Variants in P2RX2 observed in about 807,000 individuals in gnomAD.
P2RX2 encodes the protein purinergic receptor P2X 2.
A neutral mutation model predicts 54.8 loss-of-function variants in P2RX2; 50 were observed. That is an observed-to-expected ratio of 0.91 (90% CI 0.73 to 1.15). The LOEUF is 1.15. Ranked by LOEUF, P2RX2 falls within the 50% of genes most tolerant of loss-of-function variation. The pLI, the probability that P2RX2 is intolerant of heterozygous loss-of-function variation, is 0.00. For missense variants in P2RX2, 658 were observed against 633.2 expected (o/e 1.04, Z -0.42); for synonymous variants, 289 against 259.4 (o/e 1.11, Z -1.09).
chr12:132,620,098 T>G lies in P2RX2; in HGVS notation c.554+2T>G. The G allele has an allele frequency of 6.4e-7, 1 of 1,569,714 alleles. No homozygotes were observed. Among genetic ancestry groups the G allele is most frequent in the Non-Finnish European group, 8.6e-7 (1 of 1,157,934 alleles). On this transcript the variant is annotated splice_donor_variant, in intron 5 of 10. Coordinates refer to ENST00000643471, the MANE Select transcript of P2RX2 (RefSeq NM_170682.4). LOFTEE classifies it high-confidence loss of function. Reference sequence around the variant, plus strand: ...GGTGGAAGATGGGGCCTCTGTCAGGTGCACCTGCGCCCCGGCCTGGGGCCC... The same window carrying G: ...GGTGGAAGATGGGGCCTCTGTCAGGGGCACCTGCGCCCCGGCCTGGGGCCC...
Position 132,622,136 on chromosome 12 carries a change from G to A in P2RX2, c.*164G>A, listed in dbSNP as rs1177389242. ...GGGCTGGGGGCACGCTCTGGCCCCA[G>A]GCTTGTGCCCCACCCTGGCATACAG... On this transcript the variant is annotated 3_prime_UTR_variant, in exon 11 of 11. Coordinates refer to ENST00000643471, the MANE Select transcript of P2RX2 (RefSeq NM_170682.4). 3 of 1,458,276 alleles carry A rather than the reference G, an allele frequency of 2.1e-6. No individual in the cohort carries two copies. The highest frequency in any genetic ancestry group is 2.5e-4 in the Middle Eastern group (1 of 4,024). The allele number at this position is 1,458,276 out of a possible 1,614,324, so 90.3% of individuals were successfully genotyped here. A position where few individuals can be genotyped will look rare whatever the true frequency, so the allele number is the denominator to read the frequency against.
chr12:132,620,381 T>G (rs2041605584), intron 6 of P2RX2, 34 bp downstream of exon 6: 2 of 1,613,720 alleles, frequency 1.2e-6, no homozygotes, highest in Admixed American at 3.3e-5. Flanking sequence ...CGGCCCAGCC[T>G]GAGGGCTGCC....
At chr12:132,620,892 GCC>G in intron 7 of P2RX2, 107 bp from the exon 8 acceptor site, 14 of 476,394 alleles carry the variant, frequency 2.9e-5, no homozygotes, top group Non-Finnish European at 2.9e-5. Flanking sequence ...CTCTCGAGGG[GCC>G]TCTCGTGTGC....
Position 132,622,016 on chromosome 12 carries a change from C to T in P2RX2, c.*44C>T, listed in dbSNP as rs1013172548. The T allele has an allele frequency of 1.1e-5, 17 of 1,610,280 alleles. No homozygotes were observed. Among genetic ancestry groups the T allele is most frequent in the Non-Finnish European group, 1.4e-5 (16 of 1,178,754 alleles). On this transcript the variant is annotated 3_prime_UTR_variant, in exon 11 of 11. Coordinates refer to ENST00000643471, the MANE Select transcript of P2RX2 (RefSeq NM_170682.4). ...GGACTGCAGACCCGGCCTGGTGGGG[C>T]CAGAGAGTCCCCAGCTAGGGACCTG...
intron 9 of P2RX2, 51 bp downstream of exon 9, chr12:132,621,396 A>G: frequency 6.2e-7 from 1 of 1,610,714 alleles, no homozygotes; most frequent in Non-Finnish European, 8.5e-7. Context: ...CCTGGGTCTG[A>G]GCTCCTCACG....
Position 132,619,467 on chromosome 12 carries a change from C to G in P2RX2, c.202C>G (p.Gln68Glu), listed in dbSNP as rs759136054. The change falls in exon 2 of 11, where the codon CAG becomes GAG. Residue 68 changes from glutamine to glutamate, a missense_variant. Transcript: ENST00000643471. Reference protein sequence around the residue: ...WYVFIVQKSYQESETGPESSI... With the variant: ...WYVFIVQKSYEESETGPESSI... ...CGTATTCATCGTGCAGAAAAGCTAC[C>G]AGGAGAGCGAGACGGGCCCCGAGAG... The G allele has an allele frequency of 1.9e-6, 3 of 1,612,544 alleles. No homozygotes were observed. In the South Asian group the frequency reaches 3.3e-5, roughly 18 times the overall value.
In P2RX2 at chr12:132,621,884, C is replaced by T. The variant is rs2041710270; in HGVS notation, c.1328C>T (p.Ala443Val). 1.9e-6 allele frequency: 3 copies of T among 1,608,492 alleles called. No homozygotes were observed. The highest frequency in any genetic ancestry group is 2.2e-5 in the South Asian group (2 of 91,072). The change falls in exon 11 of 11, where the codon GCC (alanine) becomes GTC (valine). Residue 443 changes from alanine (A) to valine (V), a missense_variant. Transcript: ENST00000643471. The stretch of plus-strand genomic sequence containing the variant: ...CCCCTGCGGCCTTGCCCCATCTCTG[C>T]CCCTTCTGAGCAGATGGTGGACACT... ...FPPLRPCPIS[A>V]PSEQMVDTPA...
intron 1 of P2RX2, among the ~76,000 whole-genome samples, chr12:132,619,224 C>T (rs1465086098): frequency 2.5e-5 from 1 of 40,662 alleles, no homozygotes; most frequent in African/African-American, 1.2e-4. Context: ...GGGCTGGAGG[C>T]GCGGGGCTGG....
At position 132,621,670 on chromosome 12, in the gene P2RX2, G is replaced by T. The variant is rs1213601122; in HGVS notation, c.1114G>T (p.Val372Phe). Residue 372 changes from valine to phenylalanine, a missense_variant, in exon 11 of 11, where the codon GTC (valine) becomes TTC (phenylalanine). Physicochemically the swap from Val to Phe is conservative, Grantham distance 50. Transcript: ENST00000643471. ...ILLTFMNKNK[V>F]YSHKKFDKVC... The stretch of plus-strand genomic sequence containing the variant: ...GCTAACATTCATGAACAAAAACAAG[G>T]TCTACAGCCATAAGAAATTTGACAA... 2.5e-6 allele frequency: 4 copies of T among 1,613,734 alleles called. No homozygotes were observed. Among genetic ancestry groups the T allele is most frequent in the South Asian group, 1.1e-5 (1 of 90,994 alleles).
rs2041496667 is a variant in P2RX2, at chr12:132,618,994, G to A, written c.173+5G>A. 4.8e-5 allele frequency: 10 copies of A among 207,988 alleles called. No homozygotes were observed. Among genetic ancestry groups the A allele is most frequent in the Non-Finnish European group, 5.1e-5 (9 of 176,746 alleles). The allele number at this position is 207,988 out of a possible 1,614,324, so 12.9% of individuals were successfully genotyped here. A position where few individuals can be genotyped will look rare whatever the true frequency, so the allele number is the denominator to read the frequency against. ...CATCCTGCTCTACTTCGTGTGGTGC[G>A]CGGGGCGCGGGGTGCGGGGCGCGGG... On this transcript the variant is annotated splice_donor_5th_base_variant and intron_variant, in intron 1 of 10. Coordinates refer to ENST00000643471, the MANE Select transcript of P2RX2 (RefSeq NM_170682.4).
rs748118549 is a variant in P2RX2, at chr12:132,620,431, T to C, written c.636-14T>C. 2 of 1,614,084 alleles carry C rather than the reference T, an allele frequency of 1.2e-6. No homozygotes were observed. The highest frequency in any genetic ancestry group is 1.7e-6 in the Non-Finnish European group (2 of 1,179,986). ...TATTTGGGGTGCAGGTCTCGCCTCC[T>C]GCCGCCTCCTCAGGGGCAACATCGC... On this transcript the variant is annotated splice_polypyrimidine_tract_variant and intron_variant, in intron 6 of 10. Transcript: ENST00000643471.
Position 132,621,270 on chromosome 12 carries a change from C to T in P2RX2, c.921C>T (p.Tyr307=), listed in dbSNP as rs775380392. The T allele has an allele frequency of 1.9e-6, 3 of 1,613,938 alleles. No individual in the cohort carries two copies. The highest frequency in any genetic ancestry group is 1.7e-5 in the Admixed American group (1 of 59,998). The change falls in exon 9 of 11, where the codon TAC becomes TAT. Residue 307 remains tyrosine (Y), a synonymous_variant. Coordinates refer to ENST00000643471, the MANE Select transcript of P2RX2 (RefSeq NM_170682.4). ...SGYNFRFAKY[Y]KINGTTTRTL... is the part of the protein sequence containing the mutation. ...CCCATTGCAGGTTTGCCAAATACTA[C>T]AAGATCAATGGCACCACCACCCGCA...
In P2RX2 at chr12:132,622,004, G is replaced by T. The variant is rs199542223; in HGVS notation, c.*32G>T. The stretch of plus-strand genomic sequence containing the variant: ...TTCCATCTCACTGGACTGCAGACCC[G>T]GCCTGGTGGGGCCAGAGAGTCCCCA... On this transcript the variant is annotated 3_prime_UTR_variant, in exon 11 of 11. Transcript: ENST00000643471. The T allele has an allele frequency of 3.7e-6, 6 of 1,611,832 alleles. No individual in the cohort carries two copies. The highest frequency in any genetic ancestry group is 3.3e-5 in the Admixed American group (2 of 59,762).
intron 8 of P2RX2, 61 bp from the exon 9 acceptor site, chr12:132,621,194 A>G (rs2041660750): frequency 1.2e-5 from 19 of 1,613,894 alleles, no homozygotes; most frequent in Non-Finnish European, 1.5e-5. Flanking sequence ...CGAGAGGCCC[A>G]ATGCCTGTGG....
At position 132,619,439 on chromosome 12, in the gene P2RX2, G is replaced by T; in HGVS notation, c.174G>T (p.Trp58Cys). The T allele has an allele frequency of 6.2e-7, 1 of 1,611,932 alleles. No individual in the cohort carries two copies. The highest frequency in any genetic ancestry group is 2.2e-5 in the East Asian group (1 of 44,792). The change falls in exon 2 of 11, where the codon TGG becomes TGT. Residue 58 changes from tryptophan (W) to cysteine (C), a missense_variant and splice_region_variant. Transcript: ENST00000643471. Reference protein sequence around the residue: ...VQLLILLYFVWYVFIVQKSYQ... With the variant: ...VQLLILLYFVCYVFIVQKSYQ... ...GAGCCGGCGCCGCCCCTGCCCGCAG[G>T]TACGTATTCATCGTGCAGAAAAGCT...
intron 1 of P2RX2, 34 bp from the exon 2 acceptor site, chr12:132,619,405 T>G: frequency 6.2e-7 from 1 of 1,608,256 alleles, no homozygotes; most frequent in South Asian, 1.1e-5. Context: ...CTTCCCAGGG[T>G]CGCCTCCGGA....
chr12:132,621,348 G>A lies in P2RX2; in HGVS notation c.996+3G>A, dbSNP rs2041672515. 3 of 1,613,930 alleles carry A rather than the reference G, an allele frequency of 1.9e-6. No homozygotes were observed. The highest frequency in any genetic ancestry group is 4.5e-5 in the East Asian group (2 of 44,876). On this transcript the variant is annotated splice_donor_region_variant and intron_variant, in intron 9 of 10. Transcript: ENST00000643471. Reference sequence around the variant, plus strand: ...TTGACGTCATTGTGCATGGACAGGTGCCTGCACCTGCTGGGGGTGGGTGGC... The same window carrying A: ...TTGACGTCATTGTGCATGGACAGGTACCTGCACCTGCTGGGGGTGGGTGGC...
At position 132,619,731 on chromosome 12, in the gene P2RX2, C is replaced by G; in HGVS notation, c.362C>G (p.Thr121Ser). ...ITRVEATHSQ[T>S]QGTCPESIRV... is the part of the protein sequence containing the mutation. ...AGGGTCGAGGCCACCCACTCCCAGACCCAGGGAACCTGCCCCGAGGTGAGG... is the reference window on the plus strand; with the variant it reads ...AGGGTCGAGGCCACCCACTCCCAGAGCCAGGGAACCTGCCCCGAGGTGAGG... Residue 121 changes from threonine to serine, a missense_variant, in exon 3 of 11, where the codon ACC (threonine) becomes AGC (serine). By Grantham distance (58) the Thr-to-Ser change is moderately conservative (BLOSUM62 1). Coordinates refer to ENST00000643471, the MANE Select transcript of P2RX2 (RefSeq NM_170682.4). 1 of 1,608,272 alleles carries G rather than the reference C, an allele frequency of 6.2e-7. No homozygotes were observed. The highest frequency in any genetic ancestry group is 8.5e-7 in the Non-Finnish European group (1 of 1,177,394).
chr12:132,622,340 T>G lies in P2RX2; in HGVS notation c.*368T>G. The stretch of plus-strand genomic sequence containing the variant: ...TGTAACCTTGAATCTGCCCAGACTC[T>G]TCCCTTAGAAGTCACAACATACTCA... On this transcript the variant is annotated 3_prime_UTR_variant, in exon 11 of 11. Transcript: ENST00000643471. 3.5e-6 allele frequency: 2 copies of G among 564,714 alleles called. No homozygotes were observed. The highest frequency in any genetic ancestry group is 5.0e-6 in the Non-Finnish European group (2 of 401,082). 35.0% of individuals were successfully genotyped at this position (564,714 alleles called of 1,614,324 possible). A position where few individuals can be genotyped will look rare whatever the true frequency, so the allele number is the denominator to read the frequency against.
Sources: allele counts gnomAD v4.1 joint callset (sites outside exome capture counted in the v4.1 genomes callset), GRCh38; gene constraint gnomAD v4.1.1; transcripts MANE v1.5; gene names NCBI Gene and HGNC (gene_info 2026-07-23, HGNC 2026-07-21).